The following MYO10 variants were observed in gnomAD, a reference collection of about 807,000 sequenced individuals.
MYO10 encodes unconventional myosin-X.
MYO10 carries 133 observed loss-of-function variants against 257.3 expected under a neutral mutation model. The observed-to-expected ratio is 0.52, with a 90% CI of 0.45 to 0.60. The LOEUF is 0.60. Among genes scored for constraint, MYO10 ranks in the 20% least tolerant of loss-of-function variants. MYO10 has a pLI of 0.00. For synonymous variants in MYO10, 1,104 were observed against 1,028.6 expected (o/e 1.07, Z -1.40); for missense variants, 2,399 against 2,635.7 (o/e 0.91, Z 1.97).
chr5:16,793,464 T>C (rs930865868), intron 4 of MYO10, among the ~76,000 whole-genome samples: 6 of 152,010 alleles, frequency 3.9e-5, no homozygotes, highest in Non-Finnish European at 7.4e-5. Flanking sequence ...GCTGGAACTA[T>C]AGGCATGAGC....
Position 16,673,633 on chromosome 5 carries a change from T to A in MYO10, c.5172+49A>T, listed in dbSNP as rs777818262. The A allele has an allele frequency of 2.6e-6, 4 of 1,565,826 alleles. No homozygotes were observed. In the South Asian group the frequency reaches 4.6e-5, roughly 18 times the overall value. On this transcript the variant is annotated intron_variant, in intron 36 of 40. Transcript: ENST00000513610. ...GCACAATGTTCCTGACGCAGGTGTA[T>A]CTGCAGCAAAGGCATCTAACAGAAC...
intron 21 of MYO10, 91 bp downstream of exon 21, chr5:16,710,817 T>A: frequency 9.6e-7 from 1 of 1,045,284 alleles, no homozygotes; most frequent in South Asian, 1.4e-5. Context: ...AGAACAATTG[T>A]ATAGCGGTGT....
At chr5:16,886,358 C>T (rs770639354) in intron 1 of MYO10, among the ~76,000 whole-genome samples, 2 of 152,112 alleles carry the variant, frequency 1.3e-5, no homozygotes, top group Non-Finnish European at 2.9e-5. Context: ...CAATTATAGA[C>T]GTTTGTTCTC....
At chr5:16,900,744 G>GTTGTTTTT (rs1554007452) in intron 1 of MYO10, among the ~76,000 whole-genome samples, 1 of 132,750 alleles carries the variant, frequency 7.5e-6, no homozygotes. Context: ...CCTAAATCTT[G>GTTGTTTTT]TTTTTTTTTT....
chr5:16,900,744 G>GTTGTTGTTTT (rs1554007452), intron 1 of MYO10, among the ~76,000 whole-genome samples: 47 of 132,752 alleles, frequency 3.5e-4, no homozygotes, highest in Non-Finnish European at 6.1e-4. Context: ...CCTAAATCTT[G>GTTGTTGTTTT]TTTTTTTTTT....
intron 21 of MYO10, among the ~76,000 whole-genome samples, chr5:16,705,144 T>G (rs760898684): frequency 3.3e-5 from 5 of 152,192 alleles, no homozygotes; most frequent in Non-Finnish European, 7.3e-5. Flanking sequence ...AAAACGTTAT[T>G]TTGCCTTTAT....
At chr5:16,680,677 A>G (rs1166957531) in intron 32 of MYO10, among the ~76,000 whole-genome samples, 2 of 152,204 alleles carry the variant, frequency 1.3e-5, no homozygotes, top group African/African-American at 4.8e-5. Flanking sequence ...ATACTACAAA[A>G]ATTACAAGAA....
intron 1 of MYO10, among the ~76,000 whole-genome samples, chr5:16,895,801 C>CACA (rs3222005): frequency 7.0e-6 from 1 of 142,152 alleles, no homozygotes; most frequent in East Asian, 2.0e-4. Flanking sequence ...CACACACACA[C>CACA]ACTCTGCCAC....
At chr5:16,922,757 G>A (rs1404175587) in intron 1 of MYO10, among the ~76,000 whole-genome samples, 1 of 152,226 alleles carries the variant, frequency 6.6e-6, no homozygotes, top group African/African-American at 2.4e-5. Flanking sequence ...TCAGCCATGT[G>A]TGATGGCTTA....
At chr5:16,848,155 C>CTTTTTTTTTTTTCTTTCTTT (rs1554002458) in intron 2 of MYO10, among the ~76,000 whole-genome samples, 45 of 113,562 alleles carry the variant, frequency 4.0e-4, no homozygotes, top group African/African-American at 1.5e-3. Context: ...CTACACATTT[C>CTTTTTTTTTTTTCTTTCTTT]TTTTTTTTTT....
intron 25 of MYO10, 31 bp from the exon 26 acceptor site, chr5:16,699,604 G>C: frequency 1.9e-6 from 3 of 1,612,170 alleles, no homozygotes; most frequent in Non-Finnish European, 2.5e-6. Context: ...CAACGGTGAG[G>C]GAAAAGGCCA....
chr5:16,685,410 C>G (rs895916959), intron 29 of MYO10, among the ~76,000 whole-genome samples: 1 of 151,998 alleles, frequency 6.6e-6, no homozygotes, highest in African/African-American at 2.4e-5. Flanking sequence ...CAGTGTCTTG[C>G]TATGTTTCTC....
intron 19 of MYO10, chr5:16,713,202 T>G (rs1738699081): frequency 1.8e-6 from 1 of 568,024 alleles, no homozygotes; most frequent in African/African-American, 2.0e-5. Context: ...CTGTTCCTGA[T>G]CCCCTCTTTT....
intron 3 of MYO10, among the ~76,000 whole-genome samples, chr5:16,796,211 C>T (rs36161486): frequency 9.0e-6 from 1 of 110,974 alleles, no homozygotes; most frequent in Non-Finnish European, 1.8e-5. Context: ...AAAGAAAGAA[C>T]AGAGAGAGAG....
At chr5:16,827,454 T>A (rs1193208250) in intron 2 of MYO10, among the ~76,000 whole-genome samples, 3 of 152,086 alleles carry the variant, frequency 2.0e-5, no homozygotes, top group African/African-American at 7.2e-5. Context: ...GCCTGGCTAA[T>A]TTTTGTATTT....
At chr5:16,831,500 A>G (rs1316698588) in intron 2 of MYO10, among the ~76,000 whole-genome samples, 6 of 148,822 alleles carry the variant, frequency 4.0e-5, no homozygotes, top group African/African-American at 1.5e-4. Context: ...GTGGATAAAG[A>G]AACTGTGGTA....
chr5:16,687,825 A>T (rs1293425627), intron 28 of MYO10, among the ~76,000 whole-genome samples: 1 of 152,188 alleles, frequency 6.6e-6, no homozygotes, highest in African/African-American at 2.4e-5. Flanking sequence ...TCTCAAAAAT[A>T]TCCCAAATTA....
At chr5:16,793,104 C>T (rs1381671762) in intron 4 of MYO10, among the ~76,000 whole-genome samples, 3 of 152,124 alleles carry the variant, frequency 2.0e-5, no homozygotes, top group Non-Finnish European at 4.4e-5. Flanking sequence ...CGTGAGTGAA[C>T]TCCTGCGAGG....
At chr5:16,693,431 C>G (rs1737595466) in intron 27 of MYO10, among the ~76,000 whole-genome samples, 1 of 152,210 alleles carries the variant, frequency 6.6e-6, no homozygotes, top group Non-Finnish European at 1.5e-5. Context: ...AAAGGGACAG[C>G]CTGGAAATGT....
Sources: gnomAD v4.1 joint callset for allele counts (sites outside exome capture counted in the v4.1 genomes callset) on GRCh38, gnomAD v4.1.1 for gene constraint, MANE v1.5 for transcripts, NCBI Gene and HGNC (gene_info 2026-07-23, HGNC 2026-07-21) for gene names.